Variants in EOGT observed in about 807,000 individuals in gnomAD.
The protein encoded by EOGT is EGF domain-specific O-linked N-acetylglucosamine transferase.
A neutral mutation model predicts 70.5 loss-of-function variants in EOGT; 55 were observed. That is an observed-to-expected ratio of 0.78 (90% CI 0.63 to 0.98). The LOEUF is 0.98. Ranked by LOEUF, EOGT falls within the 50% of genes least tolerant of loss-of-function variation. The probability of loss-of-function intolerance (pLI) is 0.00; values close to 1 mark genes in which losing one functional copy is unlikely to be tolerated. For missense variants in EOGT, 703 were observed against 641.9 expected, an observed-to-expected ratio of 1.10 and a Z score of -1.03; for synonymous variants, 246 against 217.1, an observed-to-expected ratio of 1.13 and a Z score of -1.17.
chr3:68,977,342 G>T lies in EOGT; in HGVS notation c.*276C>A. The T allele has an allele frequency of 7.7e-6, 2 of 259,818 alleles. No individual in the cohort carries two copies. Among genetic ancestry groups the T allele is most frequent in the Non-Finnish European group, 1.4e-5 (2 of 139,804 alleles). The allele number at this position is 259,818 out of a possible 1,614,324, so 16.1% of individuals were successfully genotyped here. A position where few individuals can be genotyped will look rare whatever the true frequency, so the allele number is the denominator to read the frequency against. The stretch of plus-strand genomic sequence containing the variant: ...CTGTCTCCAAAAAAAAAAAAAGAAA[G>T]AAAGAAAGTTAAAGTATACTGGGGA... On this transcript the variant is annotated 3_prime_UTR_variant, in exon 18 of 18. Transcript: ENST00000383701.
At chr3:69,003,456 G>A (rs2091353800) in intron 8 of EOGT, among the ~76,000 whole-genome samples, 1 of 152,068 alleles carries the variant, frequency 6.6e-6, no homozygotes, top group Non-Finnish European at 1.5e-5. Context: ...TTTATAAAGG[G>A]CAGTTCCCTC....
chr3:69,008,355 G>A, intron 5 of EOGT, 73 bp downstream of exon 5: 1 of 1,041,168 alleles, frequency 9.6e-7, no homozygotes, highest in Non-Finnish European at 1.5e-6. Context: ...GAATCTAGCT[G>A]GAAATTAGGG....
chr3:69,011,152 T>C (rs73108129), intron 3 of EOGT, among the ~76,000 whole-genome samples: 1,866 of 150,516 alleles, frequency 0.012, 16 homozygotes, highest in Non-Finnish European at 0.021. Context: ...TCCCAGACAA[T>C]GATCCTGCCA....
intron 9 of EOGT, 93 bp from the exon 10 acceptor site, chr3:68,998,207 A>C (rs1481414218): frequency 1.4e-6 from 1 of 717,850 alleles, no homozygotes; most frequent in African/African-American, 1.8e-5. Context: ...AGTTTAAGAG[A>C]ATTTTAGTTT....
rs2090879681 is a variant in EOGT, at chr3:68,988,397, T to C, written c.997-16A>G. On this transcript the variant is annotated splice_polypyrimidine_tract_variant and intron_variant, in intron 12 of 17. Transcript: ENST00000383701. The stretch of plus-strand genomic sequence containing the variant: ...AGCCAGATATCTAAAATAAAAACAC[T>C]GGTTCATATTACAATGAATACTTCT... 1.3e-6 allele frequency: 2 copies of C among 1,523,650 alleles called. No homozygotes were observed. Among genetic ancestry groups the C allele is most frequent in the Non-Finnish European group, 1.8e-6 (2 of 1,135,832 alleles). 94.4% of individuals were successfully genotyped at this position (1,523,650 alleles called of 1,614,324 possible).
intron 10 of EOGT, among the ~76,000 whole-genome samples, chr3:68,994,767 G>A (rs892252532): frequency 6.6e-6 from 1 of 152,138 alleles, no homozygotes; most frequent in African/African-American, 2.4e-5. Context: ...CTTGAGCCTG[G>A]GTGACAAGCA....
chr3:68,979,646 A>T (rs765313835), intron 16 of EOGT, 22 bp downstream of exon 16: 1 of 1,611,664 alleles, frequency 6.2e-7, no homozygotes, highest in Non-Finnish European at 8.5e-7. Flanking sequence ...GCTTCAGTGT[A>T]AAACTGCCTC....
At chr3:68,986,012 G>A (rs182122875) in intron 14 of EOGT, among the ~76,000 whole-genome samples, 11 of 152,110 alleles carry the variant, frequency 7.2e-5, no homozygotes, top group South Asian at 4.2e-4. Flanking sequence ...CTCCATCTTC[G>A]AAGCCAGCAA....
intron 8 of EOGT, among the ~76,000 whole-genome samples, chr3:69,003,591 A>C (rs1346304704): frequency 6.6e-6 from 1 of 152,216 alleles, no homozygotes; most frequent in Non-Finnish European, 1.5e-5. Context: ...TTTCCTTTGT[A>C]AGTTAGTCAG....
chr3:68,990,140 C>T (rs1009422546), intron 10 of EOGT, among the ~76,000 whole-genome samples: 30 of 151,926 alleles, frequency 2.0e-4, no homozygotes, highest in African/African-American at 6.5e-4. Flanking sequence ...TATTAATGTA[C>T]ATTAAGCCAC....
chr3:69,008,333 C>A, intron 5 of EOGT, 95 bp downstream of exon 5: 1 of 885,536 alleles, frequency 1.1e-6, no homozygotes, highest in Non-Finnish European at 1.8e-6. Flanking sequence ...GAATTACTAT[C>A]TAAAACCAAA....
chr3:69,005,679 G>T (rs1258661828), intron 6 of EOGT, among the ~76,000 whole-genome samples: 1 of 152,222 alleles, frequency 6.6e-6, no homozygotes, highest in Non-Finnish European at 1.5e-5. Flanking sequence ...TTTAATAAGA[G>T]GTGCTTTCTG....
chr3:68,988,112 G>A (rs1002699205), intron 13 of EOGT, among the ~76,000 whole-genome samples, 183 bp downstream of exon 13: 1 of 152,084 alleles, frequency 6.6e-6, no homozygotes, highest in Non-Finnish European at 1.5e-5. Context: ...ATGGGGTTTT[G>A]CCATGTTGGC....
rs71618257 is a variant in EOGT, at chr3:68,976,641, C to CATGTGTGTGTGTGTGT, written c.*976_*977insACACACACACACACAT. On this transcript the variant is annotated 3_prime_UTR_variant, in exon 18 of 18. Coordinates refer to ENST00000383701, the MANE Select transcript of EOGT (RefSeq NM_001278689.2). ...CTTGGTACTGAGAATCACAACTCTGCGTGTGTGTGTGTGTGTGTGTGTGTG... is the reference window on the plus strand; with the variant it reads ...CTTGGTACTGAGAATCACAACTCTGCATGTGTGTGTGTGTGTGTGTGTGTGTGTGTGTGTGTGTGTG... 6.9e-6 allele frequency: 1 copy of CATGTGTGTGTGTGTGT among 144,306 alleles called. No homozygotes were observed. Among genetic ancestry groups the CATGTGTGTGTGTGTGT allele is most frequent in the African/African-American group, 2.6e-5 (1 of 38,350 alleles). 8.9% of individuals were successfully genotyped at this position (144,306 alleles called of 1,614,324 possible).
rs1002144714 is a variant in EOGT, at chr3:69,008,498, C to T, written c.241G>A (p.Gly81Ser). The T allele has an allele frequency of 1.2e-6, 2 of 1,613,962 alleles. No homozygotes were observed. The highest frequency in any genetic ancestry group is 2.2e-5 in the East Asian group (1 of 44,860). ...KHLEKLKYCW[G>S]YEKSCKPEFR... ...TCTGGTTTGCAGGATTTCTCATAACCCCAGCAGTACTTTAGCTTCTCTAGG... is the reference window on the plus strand; with the variant it reads ...TCTGGTTTGCAGGATTTCTCATAACTCCAGCAGTACTTTAGCTTCTCTAGG... The change falls in exon 5 of 18, where the codon GGT (glycine) becomes AGT (serine). Residue 81 changes from glycine to serine, a missense_variant. Physicochemically the swap from Gly to Ser is moderately conservative, Grantham distance 56 (BLOSUM62 0). Transcript: ENST00000383701.
intron 8 of EOGT, among the ~76,000 whole-genome samples, chr3:69,003,424 G>A (rs921086988): frequency 1.3e-5 from 2 of 152,028 alleles, no homozygotes; most frequent in Admixed American, 6.5e-5. Context: ...TTTTTCCTGC[G>A]CTGTTCTCAA....
In EOGT at chr3:69,009,650, A is replaced by C. The variant is rs780822944; in HGVS notation, c.197T>G (p.Leu66Arg). 1 of 1,613,040 alleles carries C rather than the reference A, an allele frequency of 6.2e-7. No individual in the cohort carries two copies. The highest frequency in any genetic ancestry group is 1.1e-5 in the South Asian group (1 of 91,052). Residue 66 changes from leucine to arginine, a missense_variant, in exon 4 of 18, where the codon CTT (leucine) becomes CGT (arginine). By Grantham distance (102) the Leu-to-Arg change is moderately radical. Transcript: ENST00000383701. Reference protein sequence around the residue: ...HIATVCRKDSLCPYKKHLEKL... With the variant: ...HIATVCRKDSRCPYKKHLEKL... ...AATAATACCTACCTTATATGGACAA[A>C]GAGAGTCTTTCCTACAGACAGTGGC...
intron 10 of EOGT, among the ~76,000 whole-genome samples, chr3:68,996,147 T>C (rs1402092873): frequency 6.6e-6 from 1 of 152,174 alleles, no homozygotes; most frequent in African/African-American, 2.4e-5. Context: ...GAAACTGTGG[T>C]GGCAGCAAAA....
At position 69,012,546 on chromosome 3, in the gene EOGT, G is replaced by GA. The variant is rs2091602740; in HGVS notation, c.-103dup. On this transcript the variant is annotated 5_prime_UTR_variant, in exon 2 of 18. The change creates a premature stop within an existing upstream ORF in the 5' untranslated region. Transcript: ENST00000383701. ...GTGGAGAAGTAACGCTTAGGCGATGGAAAAAATCTAAAGACGCAGATCAGA... is the reference window on the plus strand; with the variant it reads ...GTGGAGAAGTAACGCTTAGGCGATGGAAAAAAATCTAAAGACGCAGATCAGA... The GA allele has an allele frequency of 6.6e-6, 1 of 152,404 alleles. No individual in the cohort carries two copies. The allele number at this position is 152,404 out of a possible 1,614,324, so 9.4% of individuals were successfully genotyped here. A position where few individuals can be genotyped will look rare whatever the true frequency, so the allele number is the denominator to read the frequency against.
Sources: allele counts gnomAD v4.1 joint callset (sites outside exome capture counted in the v4.1 genomes callset), GRCh38; gene constraint gnomAD v4.1.1; transcripts MANE v1.5; gene names NCBI Gene and HGNC (gene_info 2026-07-23, HGNC 2026-07-21).